The following CNKSR1 variants were observed in gnomAD, a reference collection of about 807,000 sequenced individuals.
CNKSR1 encodes the protein connector enhancer of kinase suppressor of Ras 1.
CNKSR1 carries 88 observed loss-of-function variants against 95.6 expected under a neutral mutation model. The ratio of observed to expected loss-of-function variants is 0.92; its 90% CI spans 0.78 to 1.10. The LOEUF (loss-of-function observed/expected upper bound fraction) is 1.10, where lower values mean the gene tolerates loss of function less well. Among genes scored for constraint, CNKSR1 ranks in the 50% least tolerant of loss-of-function variants. CNKSR1 has a pLI of 0.00. For synonymous variants in CNKSR1, 355 were observed against 369.7 expected (o/e 0.96, Z 0.46); for missense variants, 836 against 912.0 (o/e 0.92, Z 1.07).
chr1:26,181,828 T>C (rs1412413991), intron 3 of CNKSR1, 29 bp from the exon 4 acceptor site: 2 of 1,608,606 alleles, frequency 1.2e-6, no homozygotes, highest in Non-Finnish European at 1.7e-6. Context: ...CATAGTCCCT[T>C]AACCACTGTG....
chr1:26,187,619 TC>T (rs2088778857), intron 16 of CNKSR1, 137 bp downstream of exon 16: 9 of 623,200 alleles, frequency 1.4e-5, no homozygotes, highest in Non-Finnish European at 2.4e-5. Context: ...CTTCTCTTTC[TC>T]TTTTTTTTTT....
intron 1 of CNKSR1, among the ~76,000 whole-genome samples, chr1:26,179,477 GA>G (rs1162830659): frequency 8.5e-5 from 13 of 152,210 alleles, no homozygotes; most frequent in African/African-American, 2.7e-4. Flanking sequence ...CTGTGCATCT[GA>G]AATGTTGAGT....
chr1:26,185,134 G>A lies in CNKSR1; in HGVS notation c.1256G>A (p.Arg419His), dbSNP rs759344036. 36 of 1,578,670 alleles carry A rather than the reference G, an allele frequency of 2.3e-5. No individual in the cohort carries two copies. The highest frequency in any genetic ancestry group is 1.7e-4 in the Middle Eastern group (1 of 6,040). ...GGCTTCATGGGCCCGCGCTGGCGCC[G>A]CCGCTGGTTTGTGCTCAAGGGACAC... ...PGGFMGPRWRRRWFVLKGHTL... is the reference protein window; with the variant it reads ...PGGFMGPRWRHRWFVLKGHTL... Residue 419 changes from arginine to histidine, a missense_variant, in exon 14 of 21, where the codon CGC becomes CAC. Arg to His is a conservative substitution (Grantham distance 29). Coordinates refer to ENST00000361530, the MANE Select transcript of CNKSR1 (RefSeq NM_006314.3).
At chr1:26,188,199 A>G in intron 16 of CNKSR1, 35 bp from the exon 17 acceptor site, 1 of 1,595,928 alleles carries the variant, frequency 6.3e-7, no homozygotes, top group Non-Finnish European at 8.6e-7. Flanking sequence ...GCCCCAGTGG[A>G]TGGAAACCCT....
rs1487319036 is a variant in CNKSR1 at position 26,188,427 on chromosome 1, T to C, written c.1529-15T>C. On this transcript the variant is annotated splice_polypyrimidine_tract_variant and intron_variant, in intron 17 of 20. Coordinates refer to ENST00000361530, the MANE Select transcript of CNKSR1 (RefSeq NM_006314.3). ...CCCTGGCCTCCCAAAAACCCACTGC[T>C]GCTCCTCACCCCAGACTGCTACAGT... 1 of 1,605,650 alleles carries C rather than the reference T, an allele frequency of 6.2e-7. No individual in the cohort carries two copies. Among genetic ancestry groups the C allele is most frequent in the Non-Finnish European group, 8.5e-7 (1 of 1,176,182 alleles).
chr1:26,188,964 GGGCTCTGGGCACAGCAAGGGACTA>G lies in CNKSR1; in HGVS notation c.1872+22_1872+45del. 6.2e-7 allele frequency: 1 copy of G among 1,612,578 alleles called. No individual in the cohort carries two copies. Among genetic ancestry groups the G allele is most frequent in the South Asian group, 1.1e-5 (1 of 91,044 alleles). The stretch of plus-strand genomic sequence containing the variant: ...CAGAGCACACTCAAGGTCAGCTGGG[GGGCTCTGGGCACAGCAAGGGACTA>G]GGCTCTGGGCTTCAGGCTTTGGTTT... On this transcript the variant is annotated intron_variant, in intron 20 of 20. Coordinates refer to ENST00000361530, the MANE Select transcript of CNKSR1 (RefSeq NM_006314.3).
chr1:26,187,059 A>T, intron 14 of CNKSR1, 109 bp from the exon 15 acceptor site: 1 of 807,046 alleles, frequency 1.2e-6, no homozygotes, highest in Non-Finnish European at 2.2e-6. Context: ...AGCCCAGGAG[A>T]TGCCTTCTCC....
intron 4 of CNKSR1, 172 bp from the exon 5 acceptor site, chr1:26,182,189 C>G (rs1380383323): frequency 6.8e-6 from 5 of 732,752 alleles, no homozygotes; most frequent in African/African-American, 1.8e-5. Context: ...GGCCTGGTAT[C>G]AGGGAAACGA....
intron 8 of CNKSR1, 113 bp from the exon 9 acceptor site, chr1:26,183,616 T>A: frequency 9.7e-7 from 1 of 1,030,998 alleles, no homozygotes; most frequent in Non-Finnish European, 1.5e-6. Context: ...GCTGCATGAG[T>A]GGGAGGCAGA....
chr1:26,184,075 C>T lies in CNKSR1; in HGVS notation c.860C>T (p.Pro287Leu). ...TTGTTCCTGGTTGTTCCCCAGACGC[C>T]CCCTCAGGTCCTGGACTCCCCGCAC... Reference protein sequence around the residue: ...IPIPETPPQTPPQVLDSPHQR... With the variant: ...IPIPETPPQTLPQVLDSPHQR... Residue 287 changes from proline to leucine, a missense_variant, in exon 10 of 21, where the codon CCC becomes CTC. Coordinates refer to ENST00000361530, the MANE Select transcript of CNKSR1 (RefSeq NM_006314.3). 1.2e-6 allele frequency: 2 copies of T among 1,611,208 alleles called. No individual in the cohort carries two copies. The highest frequency in any genetic ancestry group is 1.3e-5 in the African/African-American group (1 of 74,086).
chr1:26,187,003 C>G (rs2088762774), intron 14 of CNKSR1, 165 bp from the exon 15 acceptor site: 2 of 668,578 alleles, frequency 3.0e-6, no homozygotes, highest in Admixed American at 4.3e-5. Context: ...CTACCCTGAC[C>G]CCAGATTCCA....
rs751292433 is a variant in CNKSR1 at position 26,188,674 on chromosome 1, G to C, written c.1667G>C (p.Arg556Pro). The stretch of plus-strand genomic sequence containing the variant: ...GCCACCCCCACACAGCGCAGCCCAC[G>C]GACCTCCTTTGGCTCTCTGACAGGT... ...PAATPTQRSP[R>P]TSFGSLTDSS... The change falls in exon 19 of 21, where the codon CGG (arginine) becomes CCG (proline). Residue 556 changes from arginine (R) to proline (P), a missense_variant. Coordinates refer to ENST00000361530, the MANE Select transcript of CNKSR1 (RefSeq NM_006314.3). 6.2e-7 allele frequency: 1 copy of C among 1,613,714 alleles called. No homozygotes were observed. The highest frequency in any genetic ancestry group is 1.3e-5 in the African/African-American group (1 of 74,898).
At position 26,188,491 on chromosome 1, in the gene CNKSR1, C is replaced by A; in HGVS notation, c.1578C>A (p.Ser526=). Residue 526 remains serine, a synonymous_variant, in exon 18 of 21, where the codon TCC becomes TCA. Transcript: ENST00000361530. ...EAEDPDDEAG[S]HSASPSPAQA... ...AGGACCCGGACGATGAGGCTGGGTC[C>A]CACTCAGCCTCGGTGAGTGGGGGGC... is the stretch of plus-strand genomic sequence containing the variant. 6.2e-7 allele frequency: 1 copy of A among 1,604,392 alleles called. No individual in the cohort carries two copies. The highest frequency in any genetic ancestry group is 8.5e-7 in the Non-Finnish European group (1 of 1,175,742).
intron 13 of CNKSR1, 34 bp from the exon 14 acceptor site, chr1:26,184,980 C>T: frequency 6.4e-7 from 1 of 1,562,394 alleles, no homozygotes; most frequent in Non-Finnish European, 8.6e-7. Context: ...CCTTGCCAGC[C>T]CCTCACTGCC....
chr1:26,188,174 C>T, intron 16 of CNKSR1, 60 bp from the exon 17 acceptor site: 4 of 1,437,528 alleles, frequency 2.8e-6, no homozygotes, highest in Non-Finnish European at 3.9e-6. Context: ...TAAAAAGCCC[C>T]CAGCATACAA....
chr1:26,180,795 C>T lies in CNKSR1; in HGVS notation c.291C>T (p.Val97=). The T allele has an allele frequency of 6.2e-7, 1 of 1,614,216 alleles. No individual in the cohort carries two copies. The highest frequency in any genetic ancestry group is 8.5e-7 in the Non-Finnish European group (1 of 1,180,046). ...CAACCCATGACTTCCAGAGCATAGT[C>T]CAAGGCTGCCTGGGGGACTGTGCCA... The part of the protein sequence containing the change: ...LGATHDFQSI[V]QGCLGDCAKT... The change falls in exon 3 of 21, where the codon GTC becomes GTT. Residue 97 remains valine (V), a synonymous_variant. Transcript: ENST00000361530.
intron 11 of CNKSR1, 51 bp from the exon 12 acceptor site, chr1:26,184,350 G>C (rs754282674): frequency 6.2e-7 from 1 of 1,604,044 alleles, no homozygotes. Flanking sequence ...CTGACCCCAA[G>C]CCTGGGACTG....
chr1:26,181,920 G>T lies in CNKSR1; in HGVS notation c.456G>T (p.Glu152Asp). Residue 152 changes from glutamate to aspartate, a missense_variant, in exon 4 of 21, where the codon GAG becomes GAT. Coordinates refer to ENST00000361530, the MANE Select transcript of CNKSR1 (RefSeq NM_006314.3). Reference protein sequence around the residue: ...ACQEIRDLLEELSQVLHEDGP... With the variant: ...ACQEIRDLLEDLSQVLHEDGP... ...AGGAGATCCGAGACTTGTTGGAGGA[G>T]CTGAGCCAGGTCTTGCATGAGGTAG... The T allele has an allele frequency of 6.2e-7, 1 of 1,614,008 alleles. No individual in the cohort carries two copies. Among genetic ancestry groups the T allele is most frequent in the Non-Finnish European group, 8.5e-7 (1 of 1,179,896 alleles).
intron 1 of CNKSR1, among the ~76,000 whole-genome samples, chr1:26,178,168 G>C (rs1239420366): frequency 6.6e-6 from 1 of 152,144 alleles, no homozygotes; most frequent in Non-Finnish European, 1.5e-5. Flanking sequence ...ATGGGGAGGC[G>C]GTGTCATGAA....
Sources: allele counts gnomAD v4.1 joint callset (sites outside exome capture counted in the v4.1 genomes callset), GRCh38; gene constraint gnomAD v4.1.1; transcripts MANE v1.5; gene names NCBI Gene and HGNC (gene_info 2026-07-23, HGNC 2026-07-21).